The following NFIB variants were observed in gnomAD, a reference collection of about 807,000 sequenced individuals.
NFIB encodes the protein nuclear factor I B, also known as nuclear factor 1 B-type.
A neutral mutation model predicts 61.5 loss-of-function variants in NFIB; 11 were observed. The ratio of observed to expected loss-of-function variants is 0.18; its 90% confidence interval spans 0.11 to 0.30. The LOEUF (loss-of-function observed/expected upper bound fraction) is 0.30, where lower values mean the gene tolerates loss of function less well. NFIB is among the 10% of genes least tolerant of loss of function. The probability of loss-of-function intolerance (pLI) is 1.00; values close to 1 mark genes in which losing one functional copy is unlikely to be tolerated. For missense variants in NFIB, 471 were observed against 608.9 expected (o/e 0.77, Z 2.38); for synonymous variants, 260 against 216.5 (o/e 1.20, Z -1.76).
intron 1 of NFIB, among the ~76,000 whole-genome samples, chr9:14,365,671 C>T (rs983158745): frequency 6.6e-6 from 1 of 152,180 alleles, no homozygotes; most frequent in African/African-American, 2.4e-5. Flanking sequence ...CTTGGCCAGA[C>T]GTTTGTTCTA....
chr9:14,266,746 A>G (rs1204961136), intron 2 of NFIB, among the ~76,000 whole-genome samples: 1 of 151,878 alleles, frequency 6.6e-6, no homozygotes, highest in African/African-American at 2.4e-5. Flanking sequence ...TACCCTCTAC[A>G]TCTATCATCA....
At chr9:14,508,413 A>G in the NFIB span, among the ~76,000 whole-genome samples, 1 of 152,192 alleles carries the variant, frequency 6.6e-6, no homozygotes, top group Admixed American at 6.5e-5. Flanking sequence ...GTCTCATACT[A>G]CCTCATCCTT....
chr9:14,413,037 C>G, the NFIB span, among the ~76,000 whole-genome samples: 2 of 152,164 alleles, frequency 1.3e-5, no homozygotes, highest in African/African-American at 4.8e-5. Flanking sequence ...CCATCTCTAA[C>G]TGGAAGAATA....
chr9:14,336,427 G>A (rs1488257993), intron 1 of NFIB, among the ~76,000 whole-genome samples: 2 of 152,348 alleles, frequency 1.3e-5, no homozygotes, highest in African/African-American at 2.4e-5. Context: ...TGACTCTACA[G>A]ACTGACCTCA....
At chr9:14,466,398 CT>C in the NFIB span, among the ~76,000 whole-genome samples, 1 of 152,126 alleles carries the variant, frequency 6.6e-6, no homozygotes, top group Non-Finnish European at 1.5e-5. Flanking sequence ...TGCACTGGCA[CT>C]GGGGGTGTGC....
chr9:14,378,977 G>C (rs2061452483), intron 1 of NFIB, among the ~76,000 whole-genome samples: 1 of 152,150 alleles, frequency 6.6e-6, no homozygotes, highest in African/African-American at 2.4e-5. Context: ...AATTAACAAA[G>C]AAGAAAGGCA....
At chr9:14,512,534 T>C in the NFIB span, among the ~76,000 whole-genome samples, 2 of 152,204 alleles carry the variant, frequency 1.3e-5, no homozygotes, top group African/African-American at 2.4e-5. Flanking sequence ...TTTTGAATTA[T>C]TGATATAATG....
the NFIB span, among the ~76,000 whole-genome samples, chr9:14,487,249 A>C: frequency 6.6e-6 from 1 of 152,236 alleles, no homozygotes; most frequent in African/African-American, 2.4e-5. Flanking sequence ...AGATTTAAGA[A>C]ATAAATGGTT....
chr9:14,268,182 T>C (rs922646390), intron 2 of NFIB, among the ~76,000 whole-genome samples: 4 of 152,122 alleles, frequency 2.6e-5, no homozygotes, highest in Non-Finnish European at 5.9e-5. Context: ...AGATAATATT[T>C]TACATGAAAA....
the NFIB span, among the ~76,000 whole-genome samples, chr9:14,463,060 A>G: frequency 6.6e-6 from 1 of 152,168 alleles, no homozygotes; most frequent in Non-Finnish European, 1.5e-5. Context: ...TCAATTTAAT[A>G]AAATTTAATA....
intron 2 of NFIB, chr9:14,300,240 G>A (rs2059677133): frequency 7.5e-6 from 3 of 398,490 alleles, no homozygotes; most frequent in Non-Finnish European, 1.3e-5. Flanking sequence ...TTCTTGCTAT[G>A]CTTGGCACTG....
intron 2 of NFIB, among the ~76,000 whole-genome samples, chr9:14,198,283 G>A (rs1441805174): frequency 2.6e-5 from 4 of 152,054 alleles, no homozygotes; most frequent in Admixed American, 6.5e-5. Flanking sequence ...TTCTAAAGTC[G>A]TTTCGGATGT....
chr9:14,085,738 A>C lies in NFIB; in HGVS notation c.*2571T>G. 1 of 219,632 alleles carries C rather than the reference A, an allele frequency of 4.6e-6. No homozygotes were observed. The highest frequency in any genetic ancestry group is 6.7e-5 in the East Asian group (1 of 14,872). The allele number at this position is 219,632 out of a possible 1,614,324, so 13.6% of individuals were successfully genotyped here. A position where few individuals can be genotyped will look rare whatever the true frequency, so the allele number is the denominator to read the frequency against. On this transcript the variant is annotated 3_prime_UTR_variant, in exon 11 of 11. Coordinates refer to ENST00000380953, the MANE Select transcript of NFIB (RefSeq NM_001190737.2). The stretch of plus-strand genomic sequence containing the variant: ...TGCACTGCCATCCATTTGAAGTAGT[A>C]AGTCACAGGTAAATCATATCCTATC...
At chr9:14,439,937 T>A in the NFIB span, among the ~76,000 whole-genome samples, 46 of 152,236 alleles carry the variant, frequency 3.0e-4, no homozygotes, top group African/African-American at 9.4e-4. Context: ...AGGAGCTAAG[T>A]AGGCAGGGCA....
intron 1 of NFIB, chr9:14,322,333 GTA>G (rs56352450): frequency 1.3e-3 from 297 of 226,120 alleles, no homozygotes; most frequent in Middle Eastern, 2.3e-3. Flanking sequence ...GTGTGTGCAT[GTA>G]TGTGTGTGTG....
the NFIB span, among the ~76,000 whole-genome samples, chr9:14,439,232 T>C: frequency 6.6e-6 from 1 of 152,084 alleles, no homozygotes; most frequent in African/African-American, 2.4e-5. Flanking sequence ...TAGCCAGGCA[T>C]GGTAGCACAG....
the NFIB span, among the ~76,000 whole-genome samples, chr9:14,465,208 A>T: frequency 6.6e-6 from 1 of 152,094 alleles, no homozygotes; most frequent in Admixed American, 6.5e-5. Context: ...CCTTATCCTC[A>T]TCCCTTCAAA....
chr9:14,324,630 C>CA (rs1487452086), intron 1 of NFIB, among the ~76,000 whole-genome samples: 5 of 152,050 alleles, frequency 3.3e-5, no homozygotes, highest in Non-Finnish European at 7.4e-5. Flanking sequence ...GTATTTCCTC[C>CA]ATTCTCATGA....
At chr9:14,403,055 T>A (rs995275245), upstream of NFIB, among the ~76,000 whole-genome samples, 3 of 152,330 alleles carry the variant, frequency 2.0e-5, no homozygotes, top group Admixed American at 2.0e-4. Flanking sequence ...CTATTTACAA[T>A]CATTTTGGCC....
Sources: allele counts gnomAD v4.1 joint callset (sites outside exome capture counted in the v4.1 genomes callset), GRCh38; gene constraint gnomAD v4.1.1; transcripts MANE v1.5; gene names NCBI Gene and HGNC (gene_info 2026-07-23, HGNC 2026-07-21).